HUWE1: variants seen among roughly 807,000 people sequenced by gnomAD.
HUWE1 encodes E3 ubiquitin-protein ligase HUWE1.
HUWE1 carries 18 observed loss-of-function variants against 299.4 expected under a neutral mutation model. That is an observed-to-expected ratio of 0.06 (90% confidence interval 0.04 to 0.09). The LOEUF is 0.09. Among genes scored for constraint, HUWE1 ranks in the 10% least tolerant of loss-of-function variants. The pLI is 1.00. For synonymous variants in HUWE1, 1,317 were observed against 1,286.1 expected (o/e 1.02, Z -0.51); for missense variants, 1,832 against 3,462.3 (o/e 0.53, Z 11.82).
intron 7 of HUWE1, among the ~76,000 whole-genome samples, chrX:53,635,252 TA>T (rs1406090495): frequency 1.8e-5 from 2 of 109,226 alleles, no homozygotes; most frequent in Admixed American, 9.8e-5. Context: ...TATAAATATG[TA>T]AATTATATAA....
Position 53,566,113 on chromosome X carries a change from A to ATGTGTGTG in HUWE1, c.6708-875_6708-874insCACACACA, listed in dbSNP as rs1192059818. On this transcript the variant is annotated intron_variant, in intron 49 of 83. Transcript: ENST00000262854. ...AGTCTATGTATGTATGTATGTATGT[A>ATGTGTGTG]TGTATGTGTGTGTGTGTGTGTATAT... Among the ~76,000 whole-genome samples the ATGTGTGTG allele has an allele frequency of 5.9e-4, 33 of 55,505 alleles. 1 individual carries two copies. The highest frequency in any genetic ancestry group is 1.4e-3 in the South Asian group (1 of 723). The allele number at this position is 55,505 out of a possible 115,157, so 48.2% of individuals were successfully genotyped here. A position where few individuals can be genotyped will look rare whatever the true frequency, so the allele number is the denominator to read the frequency against.
chrX:53,533,967 A>T (rs2060885953), intron 83 of HUWE1, 40 bp downstream of exon 83: 6 of 1,157,222 alleles, frequency 5.2e-6, no homozygotes, highest in Non-Finnish European at 7.1e-6. Flanking sequence ...TGCAAGCTCA[A>T]CCTAAGCACT....
chrX:53,536,305 G>C (rs1456914864), intron 79 of HUWE1, 53 bp from the exon 80 acceptor site: 6 of 1,154,271 alleles, frequency 5.2e-6, no homozygotes, highest in South Asian at 3.6e-5. Flanking sequence ...GGGGAAGAAG[G>C]AGCACAAGGA....
At chrX:53,575,586 A>C in intron 45 of HUWE1, 57 bp downstream of exon 45, 1 of 1,105,473 alleles carries the variant, frequency 9.0e-7, no homozygotes, top group Non-Finnish European at 1.2e-6. Context: ...AAATACTGAG[A>C]CCACACAGGC....
In HUWE1 at chrX:53,534,107, G is replaced by A. The variant is rs1556909297; in HGVS notation, c.12922C>T (p.Leu4308=). 1 of 1,209,015 alleles carries A rather than the reference G, an allele frequency of 8.3e-7. No individual in the cohort carries two copies. The highest frequency in any genetic ancestry group is 1.1e-6 in the Non-Finnish European group (1 of 892,831). ...QFVTGTSKVP[L]QGFAALEGMN... ...CCTTCGAGGGCAGCAAAGCCTTGCA[G>A]GGGTACCTTGGAAGTACCTGTGACA... The change falls in exon 83 of 84, where the codon CTG becomes TTG. Residue 4308 remains leucine (L), a synonymous_variant. Transcript: ENST00000262854.
At chrX:53,675,259 C>T (rs1293671048) in intron 3 of HUWE1, among the ~76,000 whole-genome samples, 9 of 111,552 alleles carry the variant, frequency 8.1e-5, no homozygotes, top group African/African-American at 2.3e-4. Context: ...ACAGGCCCAT[C>T]TAAAGACCAT....
rs191185994 is a variant in HUWE1 at position 53,615,642 on chromosome X, C to A, written c.2049+102G>T. ...TGAGGCAGACATAATGCTCTTACAG[C>A]TATAGCCCAAGAATCCTAATGACCT... On this transcript the variant is annotated intron_variant, in intron 22 of 83. Transcript: ENST00000262854. 3.4e-5 allele frequency: 20 copies of A among 588,849 alleles called. No individual in the cohort carries two copies. The Middle Eastern group carries it at 9.1e-4, about 27-fold the overall frequency. 48.5% of individuals were successfully genotyped at this position (588,849 alleles called of 1,213,427 possible).
At chrX:53,574,982 A>ATCT (rs1366520428) in intron 46 of HUWE1, among the ~76,000 whole-genome samples, 173 bp downstream of exon 46, 1 of 112,667 alleles carries the variant, frequency 8.9e-6, no homozygotes, top group African/African-American at 3.2e-5. Flanking sequence ...TAACTTTAGC[A>ATCT]TATAGAGACC....
intron 9 of HUWE1, 84 bp downstream of exon 9, chrX:53,632,403 C>T (rs2149075438): frequency 1.4e-6 from 1 of 689,789 alleles, no homozygotes; most frequent in Non-Finnish European, 2.4e-6. Flanking sequence ...ACCATTTATT[C>T]ATTTAACTGA....
intron 4 of HUWE1, among the ~76,000 whole-genome samples, chrX:53,648,544 A>AAC (rs2068232514): frequency 9.8e-6 from 1 of 101,699 alleles, no homozygotes; most frequent in African/African-American, 4.4e-5. Flanking sequence ...AAAAAACAAA[A>AAC]AAAAACAAAA....
chrX:53,680,105 C>A lies in HUWE1; in HGVS notation c.-81G>T. 3.4e-6 allele frequency: 1 copy of A among 297,503 alleles called. No individual in the cohort carries two copies. The allele number at this position is 297,503 out of a possible 1,213,427, so 24.5% of individuals were successfully genotyped here. The stretch of plus-strand genomic sequence containing the variant: ...TGGGAAATTCCCCACACTGCTCCAA[C>A]AGCTTCCCGAACCTTCCTGACCAAG... On this transcript the variant is annotated 5_prime_UTR_variant, in exon 3 of 84. Transcript: ENST00000262854.
intron 3 of HUWE1, among the ~76,000 whole-genome samples, chrX:53,670,501 T>A (rs1399431236): frequency 8.9e-6 from 1 of 111,843 alleles, no homozygotes; most frequent in African/African-American, 3.3e-5. Context: ...ATCCAGCTTT[T>A]CTGTTGGACA....
intron 49 of HUWE1, among the ~76,000 whole-genome samples, chrX:53,566,057 T>G (rs2147771493): frequency 1.9e-5 from 2 of 104,080 alleles, no homozygotes; most frequent in Non-Finnish European, 3.9e-5. Context: ...CAGCTCTGCT[T>G]TTATCTGCTT....
At chrX:53,590,354 T>C in intron 35 of HUWE1, 50 bp downstream of exon 35, 1 of 786,561 alleles carries the variant, frequency 1.3e-6, no homozygotes, top group African/African-American at 2.0e-5. Context: ...GTTCACAGAA[T>C]ACTAAGATTC....
intron 61 of HUWE1, among the ~76,000 whole-genome samples, chrX:53,553,162 G>C (rs959940814): frequency 1.1e-4 from 12 of 110,067 alleles, no homozygotes; most frequent in African/African-American, 3.0e-4. Flanking sequence ...TTTTGGCAGG[G>C]GGATGGAGTC....
chrX:53,679,090 G>C (rs1370904166), intron 3 of HUWE1, among the ~76,000 whole-genome samples: 1 of 111,249 alleles, frequency 9.0e-6, no homozygotes. Context: ...GAATGGGTTA[G>C]ACACCACTAC....
At chrX:53,665,889 T>C (rs2069227378) in intron 3 of HUWE1, among the ~76,000 whole-genome samples, 1 of 111,743 alleles carries the variant, frequency 8.9e-6, no homozygotes, top group African/African-American at 3.3e-5. Flanking sequence ...CCCAGCACTT[T>C]GGAAGCCTGA....
rs1365188499 is a variant in HUWE1, at chrX:53,628,978, C to T, written c.964-76G>A. On this transcript the variant is annotated intron_variant, in intron 13 of 83. Coordinates refer to ENST00000262854, the MANE Select transcript of HUWE1 (RefSeq NM_031407.7). ...TGAACCAAGTTCCAGTTGCTAATAT[C>T]CAAACTTTAAAATATAAGTCATTCT... 8 of 883,772 alleles carry T rather than the reference C, an allele frequency of 9.1e-6. No homozygotes were observed. The East Asian group carries it at 2.3e-4, about 25-fold the overall frequency. 72.8% of individuals were successfully genotyped at this position (883,772 alleles called of 1,213,427 possible).
chrX:53,610,736 C>T (rs1557001401), intron 23 of HUWE1, among the ~76,000 whole-genome samples: 1 of 111,844 alleles, frequency 8.9e-6, no homozygotes, highest in Non-Finnish European at 1.9e-5. Flanking sequence ...CAGTGGGCCA[C>T]ATTTCAGGGA....
Sources: allele counts gnomAD v4.1 joint callset (sites outside exome capture counted in the v4.1 genomes callset), GRCh38; gene constraint gnomAD v4.1.1; transcripts MANE v1.5; gene names NCBI Gene and HGNC (gene_info 2026-07-23, HGNC 2026-07-21).